PDE4D: variants seen among roughly 807,000 people sequenced by gnomAD.
PDE4D encodes the protein phosphodiesterase 4D.
PDE4D carries 24 observed loss-of-function variants against 87.4 expected under a neutral mutation model. The observed-to-expected ratio is 0.27, with a 90% CI of 0.20 to 0.39. The LOEUF (loss-of-function observed/expected upper bound fraction) is 0.39. Among genes scored for constraint, PDE4D ranks in the 10% least tolerant of loss-of-function variants. The pLI is 1.00. For synonymous variants in PDE4D, 384 were observed against 383.2 expected (o/e 1.00, Z -0.02); for missense variants, 714 against 1,041.0 (o/e 0.69, Z 4.32).
At chr5:59,152,967 G>A (rs1283371455) in intron 5 of PDE4D, among the ~76,000 whole-genome samples, 1 of 152,136 alleles carries the variant, frequency 6.6e-6, no homozygotes, top group Non-Finnish European at 1.5e-5. Flanking sequence ...GGAAGTTAGG[G>A]CAGATAAAGT....
At chr5:59,220,377 C>CAAAA (rs57610513) in intron 1 of PDE4D, among the ~76,000 whole-genome samples, 256 of 35,214 alleles carry the variant, frequency 7.3e-3, no homozygotes, top group East Asian at 0.011. Flanking sequence ...GACTCTGTCT[C>CAAAA]AAAAAAAAAA....
At chr5:58,990,978 T>A in intron 8 of PDE4D, 76 bp from the exon 9 acceptor site, 1 of 862,956 alleles carries the variant, frequency 1.2e-6, no homozygotes, top group Non-Finnish European at 1.8e-6. Flanking sequence ...CACAATCATT[T>A]AAAAATTACA....
At chr5:59,550,138 G>A (rs1023620436) in intron 1 of PDE4D, among the ~76,000 whole-genome samples, 3 of 151,680 alleles carry the variant, frequency 2.0e-5, no homozygotes, top group African/African-American at 7.3e-5. Context: ...ATAAAAATGG[G>A]CTCTCATTTT....
chr5:59,838,190 C>T (rs1348328282), intron 1 of PDE4D, among the ~76,000 whole-genome samples: 2 of 151,858 alleles, frequency 1.3e-5, no homozygotes, highest in Non-Finnish European at 2.9e-5. Flanking sequence ...GTGCAGAGCC[C>T]CACCTGCTTA....
At chr5:59,426,124 G>T (rs540989286) in intron 1 of PDE4D, among the ~76,000 whole-genome samples, 2 of 152,174 alleles carry the variant, frequency 1.3e-5, no homozygotes, top group Middle Eastern at 3.2e-3. Flanking sequence ...ACAGTGAGAA[G>T]GTGGCCATCT....
At chr5:59,002,037 G>C (rs114350807) in intron 6 of PDE4D, 7,211 of 514,682 alleles carry the variant, frequency 0.014, 79 homozygotes, top group Non-Finnish European at 0.021. Context: ...TTTATCCAGA[G>C]CTGTTTCTTT....
intron 1 of PDE4D, among the ~76,000 whole-genome samples, chr5:59,806,116 G>T (rs535158376): frequency 6.6e-6 from 1 of 152,108 alleles, no homozygotes; most frequent in African/African-American, 2.4e-5. Flanking sequence ...AAACCACTGG[G>T]CTCCCCAGCC....
chr5:59,428,897 T>A (rs569580283), intron 1 of PDE4D, among the ~76,000 whole-genome samples: 1 of 152,190 alleles, frequency 6.6e-6, no homozygotes, highest in South Asian at 2.1e-4. Context: ...AAAAGATGGA[T>A]CTGGTATTTT....
chr5:59,934,069 C>A (rs778163690), intron 3 of PDE4D, among the ~76,000 whole-genome samples: 1 of 152,012 alleles, frequency 6.6e-6, no homozygotes, highest in Non-Finnish European at 1.5e-5. Context: ...CTGCAACTTC[C>A]GCCTCCCAGG....
chr5:60,497,434 G>C (rs188158538), intron 1 of PDE4D, among the ~76,000 whole-genome samples: 39 of 151,690 alleles, frequency 2.6e-4, no homozygotes, highest in African/African-American at 9.2e-4. Context: ...GCAGGATCTT[G>C]CTCTGTTGTC....
intron 1 of PDE4D, among the ~76,000 whole-genome samples, chr5:59,847,937 G>A (rs943601113): frequency 2.0e-5 from 3 of 152,006 alleles, no homozygotes; most frequent in African/African-American, 7.2e-5. Flanking sequence ...ATGCGGGGCA[G>A]GAAGGTTCAA....
intron 1 of PDE4D, among the ~76,000 whole-genome samples, chr5:59,404,798 C>T (rs1320381244): frequency 2.6e-5 from 4 of 152,040 alleles, no homozygotes; most frequent in South Asian, 2.1e-4. Flanking sequence ...TTGTATACGG[C>T]AAGAGATAGA....
At chr5:59,484,529 C>T (rs1400762412) in intron 1 of PDE4D, among the ~76,000 whole-genome samples, 1 of 152,122 alleles carries the variant, frequency 6.6e-6, no homozygotes, top group Non-Finnish European at 1.5e-5. Flanking sequence ...TGGAGCCAGA[C>T]CTCATTTCCT....
chr5:59,373,279 C>A (rs1458611241), intron 1 of PDE4D, among the ~76,000 whole-genome samples: 1 of 152,104 alleles, frequency 6.6e-6, no homozygotes, highest in African/African-American at 2.4e-5. Flanking sequence ...AGCTAAAAAT[C>A]ATGATAAAAC....
intron 11 of PDE4D, among the ~76,000 whole-genome samples, chr5:58,987,757 G>A (rs771334560): frequency 3.3e-5 from 5 of 151,952 alleles, no homozygotes; most frequent in Non-Finnish European, 2.9e-5. Context: ...CTACCATATG[G>A]GAGGGAATTA....
At chr5:59,611,135 T>G (rs1456525753) in intron 1 of PDE4D, among the ~76,000 whole-genome samples, 1 of 152,132 alleles carries the variant, frequency 6.6e-6, no homozygotes, top group Non-Finnish European at 1.5e-5. Context: ...TAGCAGAAAT[T>G]TATTGCTGAC....
intron 1 of PDE4D, among the ~76,000 whole-genome samples, chr5:59,859,308 G>T (rs1215266565): frequency 6.6e-6 from 1 of 152,070 alleles, no homozygotes; most frequent in Non-Finnish European, 1.5e-5. Context: ...AGGACAGTTC[G>T]CTATGTTTGA....
At chr5:60,328,814 T>C (rs186650966) in intron 1 of PDE4D, among the ~76,000 whole-genome samples, 41 of 152,310 alleles carry the variant, frequency 2.7e-4, no homozygotes, top group African/African-American at 9.6e-4. Context: ...TAACAGCAGA[T>C]GCAAAAAGCG....
At chr5:59,559,777 A>C (rs1291816549) in intron 1 of PDE4D, among the ~76,000 whole-genome samples, 1 of 152,202 alleles carries the variant, frequency 6.6e-6, no homozygotes, top group African/African-American at 2.4e-5. Context: ...AGCACTCAAA[A>C]AGAGTTCTTG....
Sources: allele counts gnomAD v4.1 joint callset (sites outside exome capture counted in the v4.1 genomes callset), GRCh38; gene constraint gnomAD v4.1.1; transcripts MANE v1.5; gene names NCBI Gene and HGNC (gene_info 2026-07-23, HGNC 2026-07-21).